Variants in PLCB1 observed in about 807,000 individuals in gnomAD.
PLCB1 encodes the protein 1-phosphatidylinositol 4,5-bisphosphate phosphodiesterase beta-1.
Under a neutral mutation model 161.8 loss-of-function variants are expected in PLCB1, and 46 were observed. That is an observed-to-expected ratio of 0.28 (90% CI 0.22 to 0.36). The LOEUF is 0.36. Ranked by LOEUF, PLCB1 falls within the 10% of genes least tolerant of loss-of-function variation. PLCB1 has a pLI of 1.00. For synonymous variants in PLCB1, 517 were observed against 503.7 expected (o/e 1.03, Z -0.35); for missense variants, 1,016 against 1,472.5 (o/e 0.69, Z 5.07).
chr20:8,148,584 A>G (rs551523084), intron 1 of PLCB1, among the ~76,000 whole-genome samples: 1 of 152,368 alleles, frequency 6.6e-6, no homozygotes, highest in African/African-American at 2.4e-5. Context: ...GGACTCAGAT[A>G]GATATTTGTG....
chr20:8,363,206 C>T (rs145984975), intron 2 of PLCB1, among the ~76,000 whole-genome samples: 235 of 152,270 alleles, frequency 1.5e-3, no homozygotes, highest in African/African-American at 5.5e-3. Context: ...ACTACCACAA[C>T]TTAATGGCTT....
At chr20:8,840,857 A>C (rs1986476658) in intron 31 of PLCB1, among the ~76,000 whole-genome samples, 1 of 151,914 alleles carries the variant, frequency 6.6e-6, no homozygotes. Context: ...TGCTCTTGTC[A>C]CCCAGCTGGA....
chr20:8,594,877 T>G (rs1337791431), intron 3 of PLCB1, among the ~76,000 whole-genome samples: 3 of 152,134 alleles, frequency 2.0e-5, no homozygotes, highest in African/African-American at 7.2e-5. Flanking sequence ...TTACCCAAAT[T>G]AGGTGTTTAA....
At chr20:8,844,173 C>T (rs77820054) in intron 31 of PLCB1, among the ~76,000 whole-genome samples, 1,594 of 152,320 alleles carry the variant, frequency 0.01, 24 homozygotes, top group Middle Eastern at 0.034. Flanking sequence ...GTTTTCACCT[C>T]AGAATGTAGG....
chr20:8,312,839 A>G (rs1243230172), intron 2 of PLCB1, among the ~76,000 whole-genome samples: 4 of 134,616 alleles, frequency 3.0e-5, no homozygotes, highest in Non-Finnish European at 4.5e-5. Flanking sequence ...TCTCTATAGA[A>G]AAAAAAAAAG....
At chr20:8,347,944 C>A (rs1986048904) in intron 2 of PLCB1, among the ~76,000 whole-genome samples, 1 of 151,604 alleles carries the variant, frequency 6.6e-6, no homozygotes, top group Non-Finnish European at 1.5e-5. Flanking sequence ...TGCACTCCAG[C>A]CTGGGTGACA....
chr20:8,690,413 G>T lies in PLCB1; in HGVS notation c.1009+5335G>T, dbSNP rs1259693202. 2.0e-5 allele frequency among the ~76,000 whole-genome samples: 3 copies of T among 152,192 alleles called. No homozygotes were observed. The South Asian group carries it at 6.2e-4, about 32-fold the overall frequency. On this transcript the variant is annotated intron_variant, in intron 10 of 31. Transcript: ENST00000338037. ...TTCAAGGATAGTTAGGCAGCAGGGG[G>T]TTGGGAAGTGGTTAGGGAATGGGGA...
chr20:8,787,979 G>A (rs1983570949), intron 27 of PLCB1, among the ~76,000 whole-genome samples: 1 of 152,202 alleles, frequency 6.6e-6, no homozygotes, highest in Non-Finnish European at 1.5e-5. Context: ...ATTATAACTT[G>A]CTGTTGATTA....
chr20:8,725,404 T>A lies in PLCB1; in HGVS notation c.1678+652T>A, dbSNP rs76836085. Reference sequence around the variant, plus strand: ...AGATGCTATCAGATTAAGGGAATCCTTGAAACTTACTAGCCACTTATAAGG... The same window carrying A: ...AGATGCTATCAGATTAAGGGAATCCATGAAACTTACTAGCCACTTATAAGG... On this transcript the variant is annotated intron_variant, in intron 16 of 31. Coordinates refer to ENST00000338037, the MANE Select transcript of PLCB1 (RefSeq NM_015192.4). 4.3e-3 allele frequency among the ~76,000 whole-genome samples: 651 copies of A among 152,262 alleles called. 32 individuals carry two copies. The East Asian group carries it at 0.098, about 23-fold the overall frequency.
intron 4 of PLCB1, among the ~76,000 whole-genome samples, chr20:8,629,871 TTCTTTCTCTCTC>T (rs1988494759): frequency 2.1e-5 from 2 of 95,908 alleles, no homozygotes; most frequent in African/African-American, 8.0e-5. Flanking sequence ...CTTTCTTTCT[TTCTTTCTCTCTC>T]TCTTTCTTTT....
intron 2 of PLCB1, among the ~76,000 whole-genome samples, chr20:8,204,453 G>T (rs991643290): frequency 1.3e-5 from 2 of 151,980 alleles, no homozygotes; most frequent in Non-Finnish European, 2.9e-5. Context: ...GTTTGTCCTG[G>T]GCTCCAATCT....
At chr20:8,595,378 A>G (rs112551715) in intron 3 of PLCB1, among the ~76,000 whole-genome samples, 25 of 137,562 alleles carry the variant, frequency 1.8e-4, no homozygotes, top group Admixed American at 5.3e-4. Flanking sequence ...GCGATAGTTT[A>G]CTGAGAATGA....
chr20:8,733,755 A>G (rs1035384999), intron 19 of PLCB1, among the ~76,000 whole-genome samples: 1 of 149,078 alleles, frequency 6.7e-6, no homozygotes, highest in Admixed American at 6.8e-5. Context: ...TAACCTGCAC[A>G]TTGTGCGCAT....
chr20:8,562,060 G>T (rs1022523990), intron 3 of PLCB1, among the ~76,000 whole-genome samples: 2 of 151,912 alleles, frequency 1.3e-5, no homozygotes, highest in African/African-American at 4.8e-5. Flanking sequence ...AGAGCAAACG[G>T]TCTTCGCTAA....
chr20:8,707,184 A>T (rs962275917), intron 11 of PLCB1, among the ~76,000 whole-genome samples: 1 of 152,198 alleles, frequency 6.6e-6, no homozygotes, highest in Admixed American at 6.5e-5. Flanking sequence ...ATGCAGGCAA[A>T]TCCTTCTTAG....
chr20:8,556,656 G>GGT (rs58160557), intron 3 of PLCB1, among the ~76,000 whole-genome samples: 4,825 of 141,770 alleles, frequency 0.034, 89 homozygotes, highest in Non-Finnish European at 0.042. Flanking sequence ...GAGAGGGTTG[G>GGT]GTGTGTGTGT....
intron 3 of PLCB1, among the ~76,000 whole-genome samples, chr20:8,428,647 G>A (rs1703634): frequency 1.3e-5 from 2 of 152,136 alleles, no homozygotes; most frequent in South Asian, 2.1e-4. Context: ...AGAGAACGAC[G>A]ATTTCACTGC....
intron 1 of PLCB1, among the ~76,000 whole-genome samples, chr20:8,140,726 C>G (rs1403537732): frequency 2.0e-5 from 3 of 152,158 alleles, no homozygotes; most frequent in Non-Finnish European, 4.4e-5. Context: ...AATTCAGTGT[C>G]CTTTCCAGTC....
rs58651347 is a variant in PLCB1 at position 8,748,687 on chromosome 20, G to A, written c.2523+7114G>A. 6.6e-3 allele frequency among the ~76,000 whole-genome samples: 997 copies of A among 152,140 alleles called. 10 individuals are homozygous for A. The highest frequency in any genetic ancestry group is 0.022 in the African/African-American group (913 of 41,508). On this transcript the variant is annotated intron_variant, in intron 23 of 31. Transcript: ENST00000338037. Reference sequence around the variant, plus strand: ...ACAGGTGCAGGAAATGGGGAGGTGTGGGTCAAATGATACAAAGCAGGAAAT... The same window carrying A: ...ACAGGTGCAGGAAATGGGGAGGTGTAGGTCAAATGATACAAAGCAGGAAAT...
Sources: gnomAD v4.1 joint callset for allele counts (sites outside exome capture counted in the v4.1 genomes callset) on GRCh38, gnomAD v4.1.1 for gene constraint, MANE v1.5 for transcripts, NCBI Gene and HGNC (gene_info 2026-07-23, HGNC 2026-07-21) for gene names.